The following DCAF6 variants were observed in gnomAD, a reference collection of about 807,000 sequenced individuals.
DCAF6 encodes DDB1- and CUL4-associated factor 6.
In DCAF6, 54 loss-of-function variants were observed where a neutral mutation model predicts 125.1. The observed-to-expected ratio is 0.43, with a 90% CI of 0.35 to 0.54. DCAF6 has a LOEUF of 0.54. Among genes scored for constraint, DCAF6 ranks in the 20% least tolerant of loss-of-function variants. The pLI is 0.01. For missense variants in DCAF6, 934 were observed against 1,161.7 expected (o/e 0.80, Z 2.85); for synonymous variants, 371 against 390.4 (o/e 0.95, Z 0.58).
At chr1:168,065,977 A>G (rs996164258) in intron 19 of DCAF6, among the ~76,000 whole-genome samples, 4 of 152,212 alleles carry the variant, frequency 2.6e-5, no homozygotes, top group African/African-American at 7.2e-5. Context: ...TATTTCTTCT[A>G]AGTTTTACAA....
At chr1:167,964,497 G>A (rs558318647) in intron 2 of DCAF6, among the ~76,000 whole-genome samples, 2 of 151,966 alleles carry the variant, frequency 1.3e-5, no homozygotes, top group South Asian at 4.2e-4. Flanking sequence ...ATTTTCTTTA[G>A]TTTGAAAAAT....
chr1:167,996,137 T>C (rs1459542388), intron 7 of DCAF6, among the ~76,000 whole-genome samples: 1 of 152,224 alleles, frequency 6.6e-6, no homozygotes, highest in Non-Finnish European at 1.5e-5. Flanking sequence ...TTTCTCAATT[T>C]GTGGAGGCCT....
chr1:167,943,723 C>T (rs949937367), intron 1 of DCAF6, among the ~76,000 whole-genome samples: 5 of 152,142 alleles, frequency 3.3e-5, no homozygotes, highest in Admixed American at 2.0e-4. Flanking sequence ...TGTGTGAACA[C>T]GTTTGTTTAG....
At chr1:168,003,639 GC>G (rs1424653482) in intron 8 of DCAF6, among the ~76,000 whole-genome samples, 2 of 152,116 alleles carry the variant, frequency 1.3e-5, no homozygotes, top group Non-Finnish European at 2.9e-5. Context: ...GGAGAGGTGA[GC>G]CCTGTTCTCA....
intron 12 of DCAF6, among the ~76,000 whole-genome samples, chr1:168,031,698 A>AT (rs1437447700): frequency 0.033 from 4,921 of 147,492 alleles, 239 homozygotes; most frequent in African/African-American, 0.11. Flanking sequence ...GGCAGACTTG[A>AT]TTTTTTTTTT....
At chr1:167,968,354 C>CT (rs1676773237) in intron 3 of DCAF6, 1 of 152,262 alleles carries the variant, frequency 6.6e-6, no homozygotes, top group African/African-American at 2.4e-5. Context: ...GAGACCCCCC[C>CT]GTGCTGAGTG....
chr1:167,948,132 TC>T (rs1673356433), intron 1 of DCAF6, among the ~76,000 whole-genome samples: 1 of 145,736 alleles, frequency 6.9e-6, no homozygotes, highest in African/African-American at 2.6e-5. Flanking sequence ...ACTTTCTTAG[TC>T]CTTTTTTTTT....
intron 2 of DCAF6, among the ~76,000 whole-genome samples, chr1:167,960,243 A>G (rs1213042655): frequency 1.3e-5 from 2 of 151,934 alleles, no homozygotes; most frequent in Non-Finnish European, 2.9e-5. Flanking sequence ...TCTTTTGCCA[A>G]TACCACACTG....
intron 6 of DCAF6, 43 bp from the exon 7 acceptor site, chr1:167,993,183 T>TA: frequency 3.3e-6 from 5 of 1,517,536 alleles, no homozygotes; most frequent in Non-Finnish European, 4.5e-6. Context: ...TGTTTTTCTT[T>TA]AAAACATTAT....
chr1:167,919,913 A>C, the DCAF6 span: 6 of 1,254,118 alleles, frequency 4.8e-6, 1 homozygote, highest in Admixed American at 1.2e-4. Flanking sequence ...GTCTCAAAAA[A>C]AAAAAAAATT....
intron 1 of DCAF6, among the ~76,000 whole-genome samples, chr1:167,946,023 C>T (rs1673029142): frequency 1.4e-5 from 2 of 140,176 alleles, no homozygotes; most frequent in East Asian, 4.5e-4. Flanking sequence ...ATGGCACAAT[C>T]TCAGCTCACT....
At chr1:167,920,575 T>C in the DCAF6 span, 5 of 1,614,040 alleles carry the variant, frequency 3.1e-6, no homozygotes, top group Non-Finnish European at 4.2e-6. Flanking sequence ...CAGATTGAGC[T>C]GTGCTAAGTT....
At chr1:168,040,180 G>A (rs1379360177) in intron 13 of DCAF6, among the ~76,000 whole-genome samples, 2 of 151,900 alleles carry the variant, frequency 1.3e-5, no homozygotes, top group Non-Finnish European at 2.9e-5. Flanking sequence ...TTATATCTAG[G>A]GGAAGAGCAT....
intron 17 of DCAF6, among the ~76,000 whole-genome samples, chr1:168,059,451 CCCTT>C (rs1486287216): frequency 6.8e-4 from 103 of 152,276 alleles, no homozygotes; most frequent in African/African-American, 2.3e-3. Context: ...TAAGGCAAGA[CCCTT>C]CCTTCTCTTT....
At chr1:167,963,673 C>A (rs139280557) in intron 2 of DCAF6, among the ~76,000 whole-genome samples, 3 of 152,116 alleles carry the variant, frequency 2.0e-5, no homozygotes, top group Non-Finnish European at 2.9e-5. Flanking sequence ...AAGTGATCCA[C>A]CCACCTTGGC....
intron 4 of DCAF6, among the ~76,000 whole-genome samples, chr1:167,976,649 C>T (rs1041028078): frequency 2.0e-5 from 3 of 152,112 alleles, no homozygotes; most frequent in African/African-American, 7.2e-5. Context: ...AATATTTCTA[C>T]TCTTCTCTTG....
chr1:168,020,919 A>G (rs1685591759), intron 11 of DCAF6, among the ~76,000 whole-genome samples: 1 of 152,138 alleles, frequency 6.6e-6, no homozygotes, highest in Non-Finnish European at 1.5e-5. Flanking sequence ...ACCAGGAAGG[A>G]TTTCTTCATA....
the DCAF6 span, among the ~76,000 whole-genome samples, chr1:167,923,524 T>C: frequency 2.4e-4 from 36 of 152,036 alleles, no homozygotes; most frequent in Non-Finnish European, 4.4e-4. Flanking sequence ...GGTAGAATGG[T>C]GGTTGCCAGG....
At chr1:167,905,399 G>A in the DCAF6 span, among the ~76,000 whole-genome samples, 1 of 152,178 alleles carries the variant, frequency 6.6e-6, no homozygotes, top group Non-Finnish European at 1.5e-5. Flanking sequence ...GCATAAGTGA[G>A]CTCCATTACA....
Sources: gnomAD v4.1 joint callset for allele counts (sites outside exome capture counted in the v4.1 genomes callset) on GRCh38, gnomAD v4.1.1 for gene constraint, MANE v1.5 for transcripts, NCBI Gene and HGNC (gene_info 2026-07-23, HGNC 2026-07-21) for gene names.